The following LRP6 variants were observed in gnomAD, a reference collection of about 807,000 sequenced individuals.
LRP6 encodes the protein LDL receptor related protein 6, also known as low-density lipoprotein receptor-related protein 6.
A neutral mutation model predicts 184.1 loss-of-function variants in LRP6; 43 were observed. The observed-to-expected ratio is 0.23, with a 90% CI of 0.18 to 0.30. The LOEUF (loss-of-function observed/expected upper bound fraction) is 0.30. LRP6 is among the 10% of genes least tolerant of loss of function. The pLI is 1.00. For synonymous variants in LRP6, 719 were observed against 684.9 expected (o/e 1.05, Z -0.78); for missense variants, 1,571 against 2,005.3 (o/e 0.78, Z 4.14).
chr12:12,261,100 A>G (rs1162624324), intron 1 of LRP6, among the ~76,000 whole-genome samples: 1 of 152,290 alleles, frequency 6.6e-6, no homozygotes, highest in East Asian at 1.9e-4. Context: ...AAAACTTCCA[A>G]TTAAAGCAAA....
intron 1 of LRP6, among the ~76,000 whole-genome samples, chr12:12,248,269 TTTAA>T (rs1865236374): frequency 6.6e-6 from 1 of 152,114 alleles, no homozygotes; most frequent in African/African-American, 2.4e-5. Context: ...ATTGTTTTGT[TTTAA>T]TAACCCTAAC....
chr12:12,119,986 ACAAAATATAT>A lies in LRP6; in HGVS notation c.*1130_*1139del, dbSNP rs1416342559. On this transcript the variant is annotated 3_prime_UTR_variant, in exon 23 of 23. Coordinates refer to ENST00000261349, the MANE Select transcript of LRP6 (RefSeq NM_002336.3). Reference sequence around the variant, plus strand: ...TTTTACTCAGAAAACAAACAAACAAACAAAATATATATATATATATATATATATATATATA... The same window carrying A: ...TTTTACTCAGAAAACAAACAAACAAAATATATATATATATATATATATATA... 7.3e-5 allele frequency: 8 copies of A among 109,570 alleles called. No individual in the cohort carries two copies. Among genetic ancestry groups the A allele is most frequent in the African/African-American group, 1.7e-4 (5 of 29,822 alleles). 6.8% of individuals were successfully genotyped at this position (109,570 alleles called of 1,614,324 possible). A position where few individuals can be genotyped will look rare whatever the true frequency, so the allele number is the denominator to read the frequency against.
chr12:12,171,163 T>G (rs1174671328), intron 7 of LRP6, among the ~76,000 whole-genome samples: 1 of 152,174 alleles, frequency 6.6e-6, no homozygotes, highest in African/African-American at 2.4e-5. Context: ...GAGAAAAAGC[T>G]AAGAAGCAAG....
At chr12:12,214,794 T>A (rs936303198) in intron 2 of LRP6, among the ~76,000 whole-genome samples, 1 of 152,212 alleles carries the variant, frequency 6.6e-6, no homozygotes, top group African/African-American at 2.4e-5. Flanking sequence ...AAGTTGACCC[T>A]TCTGGTCTTA....
In LRP6 at chr12:12,124,560, A is replaced by G; in HGVS notation, c.4547+5T>C. 1 of 1,582,614 alleles carries G rather than the reference A, an allele frequency of 6.3e-7. No homozygotes were observed. ...CACCTTATTTTAGAGAAGGATGTGT[A>G]TTACCTGTATGACCTATGAGTGGAA... On this transcript the variant is annotated splice_donor_5th_base_variant and intron_variant, in intron 22 of 22. Coordinates refer to ENST00000261349, the MANE Select transcript of LRP6 (RefSeq NM_002336.3).
rs1176200067 is a variant in LRP6, at chr12:12,225,281, A to AAAC, written c.449+18978_449+18980dup. Among the ~76,000 whole-genome samples, 4 of 152,242 alleles carry AAAC rather than the reference A, an allele frequency of 2.6e-5. No individual in the cohort carries two copies. In the South Asian group the frequency reaches 6.2e-4, roughly 24 times the overall value. On this transcript the variant is annotated intron_variant, in intron 2 of 22. Coordinates refer to ENST00000261349, the MANE Select transcript of LRP6 (RefSeq NM_002336.3). ...CTATCCTAATAGTGAGTAAAAAGCT[A>AAAC]AACAACAACAACAACAAAGATCAAC...
chr12:12,194,746 C>T (rs1039528340), intron 3 of LRP6, among the ~76,000 whole-genome samples: 2 of 152,076 alleles, frequency 1.3e-5, no homozygotes, highest in East Asian at 3.9e-4. Flanking sequence ...CATTCAGTAT[C>T]CTCTTTGAAA....
At chr12:12,266,293 T>C (rs1431341949) in intron 1 of LRP6, among the ~76,000 whole-genome samples, 2 of 152,142 alleles carry the variant, frequency 1.3e-5, no homozygotes, top group Non-Finnish European at 2.9e-5. Context: ...AAGGCCAACC[T>C]TAAAGCATCT....
At chr12:12,133,475 C>T (rs1275758373) in intron 17 of LRP6, among the ~76,000 whole-genome samples, 1 of 152,108 alleles carries the variant, frequency 6.6e-6, no homozygotes, top group Non-Finnish European at 1.5e-5. Context: ...TGCCTGCTCA[C>T]TCTTCACCCC....
chr12:12,121,138 T>C lies in LRP6; in HGVS notation c.4830A>G (p.Thr1610=), dbSNP rs1949599181. 2 of 1,608,236 alleles carry C rather than the reference T, an allele frequency of 1.2e-6. No individual in the cohort carries two copies. Among genetic ancestry groups the C allele is most frequent in the Non-Finnish European group, 1.7e-6 (2 of 1,176,146 alleles). Residue 1610 remains threonine (T), a synonymous_variant, in exon 23 of 23, where the codon ACA becomes ACG. Transcript: ENST00000261349. ...HLYPPPPSPC[T]DSS is the part of the protein sequence containing the mutation. ...GGAGGGCCCCTCCTCAGGAGGAGTC[T>C]GTACAGGGAGAGGGTGGCGGTGGGT...
At chr12:12,188,197 C>T (rs567583759) in intron 3 of LRP6, among the ~76,000 whole-genome samples, 11 of 133,732 alleles carry the variant, frequency 8.2e-5, no homozygotes, top group African/African-American at 3.2e-4. Context: ...GGCGACAGAG[C>T]GAGACTCATC....
intron 1 of LRP6, among the ~76,000 whole-genome samples, chr12:12,262,041 G>A (rs1036103171): frequency 7.2e-5 from 11 of 151,908 alleles, no homozygotes; most frequent in Admixed American, 2.6e-4. Flanking sequence ...TCAGGAGTTC[G>A]AGACCAGCCT....
At chr12:12,239,394 C>T (rs564660398) in intron 2 of LRP6, among the ~76,000 whole-genome samples, 235 of 152,242 alleles carry the variant, frequency 1.5e-3, no homozygotes, top group African/African-American at 3.1e-3. Context: ...AGGAAAGGCA[C>T]GGTCCAAGTG....
chr12:12,255,821 C>A (rs914703957), intron 1 of LRP6, among the ~76,000 whole-genome samples: 1 of 152,014 alleles, frequency 6.6e-6, no homozygotes, highest in African/African-American at 2.4e-5. Flanking sequence ...TCCTCTGCCA[C>A]GGCCTTCCAA....
At chr12:12,123,400 T>C (rs1949630112) in intron 22 of LRP6, among the ~76,000 whole-genome samples, 1 of 152,234 alleles carries the variant, frequency 6.6e-6, no homozygotes, top group African/African-American at 2.4e-5. Flanking sequence ...TATTTCAGTC[T>C]TATCTAAGCT....
chr12:12,195,489 A>T (rs1369187397), intron 3 of LRP6, among the ~76,000 whole-genome samples: 2 of 152,036 alleles, frequency 1.3e-5, no homozygotes. Flanking sequence ...GGCCATTTAT[A>T]TGCCTTCTTT....
chr12:12,138,382 G>A lies in LRP6; in HGVS notation c.3550C>T (p.Arg1184Ter), dbSNP rs889282775. 1 of 1,614,062 alleles carries A rather than the reference G, an allele frequency of 6.2e-7. No homozygotes were observed. Among genetic ancestry groups the A allele is most frequent in the Non-Finnish European group, 8.5e-7 (1 of 1,180,006 alleles). The stretch of plus-strand genomic sequence containing the variant: ...TGAATGTCACTAAGCTGGGCAATTC[G>A]AGCTTGGACTTTGGTTCTACCCTCT... ...GREGRTKVQA[R>*]IAQLSDIHAV... Residue 1184 changes from arginine (R) to a stop codon, truncating the protein, a stop_gained, in exon 16 of 23, where the codon CGA (arginine) becomes TGA (stop). Coordinates refer to ENST00000261349, the MANE Select transcript of LRP6 (RefSeq NM_002336.3). LOFTEE classifies it high-confidence loss of function.
chr12:12,201,327 G>A (rs1863909157), intron 3 of LRP6, among the ~76,000 whole-genome samples: 1 of 152,180 alleles, frequency 6.6e-6, no homozygotes, highest in Non-Finnish European at 1.5e-5. Context: ...TCCATTTTGA[G>A]AGTTCGTTGG....
At chr12:12,256,468 G>A (rs1010825424) in intron 1 of LRP6, among the ~76,000 whole-genome samples, 4 of 151,750 alleles carry the variant, frequency 2.6e-5, no homozygotes, top group Non-Finnish European at 5.9e-5. Context: ...CAATGATCGC[G>A]CCACTGCACT....
Sources: allele counts gnomAD v4.1 joint callset (sites outside exome capture counted in the v4.1 genomes callset), GRCh38; gene constraint gnomAD v4.1.1; transcripts MANE v1.5; gene names NCBI Gene and HGNC (gene_info 2026-07-23, HGNC 2026-07-21).